Variants in CRYL1 observed in about 807,000 individuals in gnomAD.
CRYL1 encodes the protein crystallin lambda 1.
In CRYL1, 29 loss-of-function variants were observed where a neutral mutation model predicts 36.6. That is an observed-to-expected ratio of 0.79 (90% CI 0.59 to 1.08). CRYL1 has a LOEUF of 1.08. Among genes scored for constraint, CRYL1 ranks in the 50% least tolerant of loss-of-function variants. The pLI is 0.00. For missense variants in CRYL1, 411 were observed against 407.9 expected, an observed-to-expected ratio of 1.01 and a Z score of -0.06; for synonymous variants, 152 against 151.5, an observed-to-expected ratio of 1.00 and a Z score of -0.02.
chr13:20,493,552 T>A (rs2033551159), intron 2 of CRYL1, among the ~76,000 whole-genome samples: 1 of 152,006 alleles, frequency 6.6e-6, no homozygotes. Context: ...CCCAGCTACT[T>A]AGGAGGCTAA....
chr13:20,473,376 G>A (rs1023560695), intron 3 of CRYL1, among the ~76,000 whole-genome samples: 1 of 152,224 alleles, frequency 6.6e-6, no homozygotes, highest in Non-Finnish European at 1.5e-5. Context: ...ACATCAGTGA[G>A]TCATTCAAAC....
intron 2 of CRYL1, among the ~76,000 whole-genome samples, chr13:20,493,387 C>T (rs1264506731): frequency 6.6e-6 from 1 of 152,162 alleles, no homozygotes; most frequent in African/African-American, 2.4e-5. Flanking sequence ...AGGCCAGGCG[C>T]GGTGGCTCAC....
intron 2 of CRYL1, among the ~76,000 whole-genome samples, chr13:20,505,813 G>T (rs2033787991): frequency 6.6e-6 from 1 of 152,116 alleles, no homozygotes. Context: ...GGATTAAGTT[G>T]GTTTTCCTTA....
At chr13:20,414,934 G>A (rs1565956352) in intron 5 of CRYL1, among the ~76,000 whole-genome samples, 1 of 152,234 alleles carries the variant, frequency 6.6e-6, no homozygotes, top group African/African-American at 2.4e-5. Flanking sequence ...GCACTCCCGC[G>A]GAATCCGCCG....
At chr13:20,499,134 G>C (rs377409246) in intron 2 of CRYL1, among the ~76,000 whole-genome samples, 89 of 152,076 alleles carry the variant, frequency 5.9e-4, no homozygotes, top group African/African-American at 2.0e-3. Flanking sequence ...CTTGAGCCCA[G>C]GAGTAAAGAG....
At chr13:20,491,071 A>AT (rs901744764) in intron 2 of CRYL1, among the ~76,000 whole-genome samples, 4 of 151,850 alleles carry the variant, frequency 2.6e-5, no homozygotes, top group East Asian at 1.9e-4. Flanking sequence ...CGCCTGACCA[A>AT]TTTTTTGTAT....
intron 2 of CRYL1, among the ~76,000 whole-genome samples, chr13:20,497,093 G>A (rs1050507833): frequency 6.6e-6 from 1 of 152,102 alleles, no homozygotes; most frequent in African/African-American, 2.4e-5. Context: ...GACACAGTGT[G>A]AATGAGGAGT....
At chr13:20,474,296 A>G (rs943702627) in intron 3 of CRYL1, among the ~76,000 whole-genome samples, 1 of 152,250 alleles carries the variant, frequency 6.6e-6, no homozygotes, top group African/African-American at 2.4e-5. Flanking sequence ...GTCCGGGACC[A>G]GCGCCGGCAG....
rs1164830786 is a variant in CRYL1, at chr13:20,410,640, G to A, written c.739+2642C>T. 3.9e-5 allele frequency among the ~76,000 whole-genome samples: 6 copies of A among 152,130 alleles called. No individual in the cohort carries two copies. The South Asian group carries it at 6.2e-4, about 16-fold the overall frequency. On this transcript the variant is annotated intron_variant, in intron 6 of 7. Coordinates refer to ENST00000298248, the MANE Select transcript of CRYL1 (RefSeq NM_015974.3). ...TAAAAACCAAAAATAAAACAACAACGAAAAAAACTAGAAAAGTAGTACGTG... is the reference window on the plus strand; with the variant it reads ...TAAAAACCAAAAATAAAACAACAACAAAAAAAACTAGAAAAGTAGTACGTG...
chr13:20,452,799 G>A lies in CRYL1; in HGVS notation c.277-13045C>T, dbSNP rs545020933. On this transcript the variant is annotated intron_variant, in intron 3 of 7. Transcript: ENST00000298248. The stretch of plus-strand genomic sequence containing the variant: ...TGATAATGGGGGAGGCTATACATGC[G>A]TAGGGGCAGAGGCTTTATGGGAAAT... Among the ~76,000 whole-genome samples the A allele has an allele frequency of 3.3e-5, 5 of 152,256 alleles. No individual in the cohort carries two copies. The South Asian group carries it at 6.2e-4, about 19-fold the overall frequency.
chr13:20,419,814 C>T (rs1336028592), intron 5 of CRYL1, among the ~76,000 whole-genome samples: 1 of 152,184 alleles, frequency 6.6e-6, no homozygotes, highest in Non-Finnish European at 1.5e-5. Flanking sequence ...ACATACTGTA[C>T]CCACATGTTT....
Position 20,439,514 on chromosome 13 carries a change from C to CAAAAAAAAAAAAAAAAAAAAA in CRYL1, c.438+78_438+79insTTTTTTTTTTTTTTTTTTTTT, listed in dbSNP as rs56087130. On this transcript the variant is annotated intron_variant, in intron 4 of 7. Coordinates refer to ENST00000298248, the MANE Select transcript of CRYL1 (RefSeq NM_015974.3). ...ACAAGTTATTGACCCCCCTCCCCCGCAAAAAAAAAAAAAAAAGAAAAAAAA... is the reference window on the plus strand; with the variant it reads ...ACAAGTTATTGACCCCCCTCCCCCGCAAAAAAAAAAAAAAAAAAAAAAAAAAAAAAAAAAAAAGAAAAAAAA... The CAAAAAAAAAAAAAAAAAAAAA allele has an allele frequency of 4.3e-4, 142 of 331,796 alleles. 5 individuals carry two copies. The highest frequency in any genetic ancestry group is 1.6e-3 in the East Asian group (19 of 11,860). 20.6% of individuals were successfully genotyped at this position (331,796 alleles called of 1,614,324 possible). A position where few individuals can be genotyped will look rare whatever the true frequency, so the allele number is the denominator to read the frequency against.
intron 3 of CRYL1, among the ~76,000 whole-genome samples, chr13:20,466,568 A>G (rs964955200): frequency 1.3e-5 from 2 of 152,188 alleles, no homozygotes; most frequent in African/African-American, 4.8e-5. Flanking sequence ...TAATCAGGGA[A>G]ATGCAAATTA....
intron 2 of CRYL1, among the ~76,000 whole-genome samples, chr13:20,497,481 C>CACACTACACACACACCACAAT (rs2033631530): frequency 1.3e-3 from 1 of 782 alleles, no homozygotes; most frequent in Non-Finnish European, 5.1e-3. Context: ...CACACCACCA[C>CACACTACACACACACCACAAT]ACACACAACT....
chr13:20,503,909 C>T lies in CRYL1; in HGVS notation c.149+8534G>A, dbSNP rs372476406. Among the ~76,000 whole-genome samples, 49 of 152,292 alleles carry T rather than the reference C, an allele frequency of 3.2e-4. No homozygotes were observed. The South Asian group carries it at 9.7e-3, about 30-fold the overall frequency. ...ACTTAGGAGACACAGTACAGGCCTA[C>T]CTAGTTTCAGAGATCACTGCTGGTG... On this transcript the variant is annotated intron_variant, in intron 2 of 7. Coordinates refer to ENST00000298248, the MANE Select transcript of CRYL1 (RefSeq NM_015974.3).
Position 20,507,974 on chromosome 13 carries a change from T to C in CRYL1, c.149+4469A>G, listed in dbSNP as rs188895243. ...GTCCATGCCTGGCCAGGCACAGTGG[T>C]TCACAACTGTAATCCCAGCACCTTG... On this transcript the variant is annotated intron_variant, in intron 2 of 7. Coordinates refer to ENST00000298248, the MANE Select transcript of CRYL1 (RefSeq NM_015974.3). Among the ~76,000 whole-genome samples, 257 of 147,774 alleles carry C rather than the reference T, an allele frequency of 1.7e-3. 1 individual carries two copies. Among genetic ancestry groups the C allele is most frequent in the Middle Eastern group, 3.8e-3 (1 of 262 alleles).
intron 5 of CRYL1, among the ~76,000 whole-genome samples, chr13:20,426,495 G>A (rs1355793516): frequency 6.6e-6 from 1 of 152,112 alleles, no homozygotes; most frequent in East Asian, 1.9e-4. Flanking sequence ...CAGCTATAGT[G>A]ACCACATGAG....
chr13:20,432,326 AAGG>A, intron 4 of CRYL1, 30 bp from the exon 5 acceptor site: 1 of 1,564,160 alleles, frequency 6.4e-7, no homozygotes, highest in East Asian at 2.3e-5. Context: ...TGGGGGAGTC[AAGG>A]AGATGATCCT....
intron 2 of CRYL1, among the ~76,000 whole-genome samples, chr13:20,495,629 C>T (rs983736371): frequency 1.3e-5 from 2 of 152,152 alleles, no homozygotes; most frequent in African/African-American, 4.8e-5. Flanking sequence ...CCAGGAACCC[C>T]ACTGCTGTGC....
Sources: gnomAD v4.1 joint callset for allele counts (sites outside exome capture counted in the v4.1 genomes callset) on GRCh38, gnomAD v4.1.1 for gene constraint, MANE v1.5 for transcripts, NCBI Gene and HGNC (gene_info 2026-07-23, HGNC 2026-07-21) for gene names.